WWOX: variants seen among roughly 807,000 people sequenced by gnomAD.
The protein encoded by WWOX is WW domain containing oxidoreductase, also known as WW domain-containing oxidoreductase.
Under a neutral mutation model 46.2 loss-of-function variants are expected in WWOX, and 69 were observed. The observed-to-expected ratio is 1.49, with a 90% CI of 1.23 to 1.82. The LOEUF is 1.82. Ranked by LOEUF, WWOX falls within the 40% of genes most tolerant of loss-of-function variation. The pLI is 0.00. For synonymous variants in WWOX, 359 were observed against 202.6 expected, an observed-to-expected ratio of 1.77 and a Z score of -6.56; for missense variants, 919 against 542.6, an observed-to-expected ratio of 1.69 and a Z score of -6.89.
intron 5 of WWOX, among the ~76,000 whole-genome samples, chr16:78,251,453 C>T (rs772486302): frequency 6.6e-6 from 1 of 152,172 alleles, no homozygotes; most frequent in Non-Finnish European, 1.5e-5. Flanking sequence ...ACAGCATTGC[C>T]TGTTTCACTC....
chr16:79,164,490 G>A (rs1201223331), intron 8 of WWOX, among the ~76,000 whole-genome samples: 1 of 144,424 alleles, frequency 6.9e-6, no homozygotes, highest in Non-Finnish European at 1.5e-5. Context: ...GCAGGGATGG[G>A]GGGATGGGGG....
chr16:79,212,289 G>GCTTA lies in WWOX; in HGVS notation c.*494_*497dup. 9 of 1,075,426 alleles carry GCTTA rather than the reference G, an allele frequency of 8.4e-6. No individual in the cohort carries two copies. Among genetic ancestry groups the GCTTA allele is most frequent in the Non-Finnish European group, 1.2e-5 (9 of 775,396 alleles). The allele number at this position is 1,075,426 out of a possible 1,614,324, so 66.6% of individuals were successfully genotyped here. On this transcript the variant is annotated 3_prime_UTR_variant, in exon 9 of 9. Transcript: ENST00000566780. ...ATTCATCCTGACCAAGACTGAGCCA[G>GCTTA]CTTAGCAACTGCTGGGGAGACAAAT...
chr16:79,058,137 A>C (rs1401858601), intron 8 of WWOX, among the ~76,000 whole-genome samples: 1 of 148,454 alleles, frequency 6.7e-6, no homozygotes, highest in Admixed American at 6.6e-5. Context: ...AACAAAAAAA[A>C]AAAACTCCTT....
At chr16:79,126,767 C>T (rs1177966263) in intron 8 of WWOX, among the ~76,000 whole-genome samples, 1 of 152,110 alleles carries the variant, frequency 6.6e-6, no homozygotes, top group Admixed American at 6.6e-5. Flanking sequence ...GAAATTTAGA[C>T]TCCAGCCTAC....
chr16:78,607,907 G>C (rs574018987), intron 8 of WWOX, among the ~76,000 whole-genome samples: 1 of 152,224 alleles, frequency 6.6e-6, no homozygotes, highest in African/African-American at 2.4e-5. Context: ...ACACATGTTT[G>C]AGACCTGTAA....
chr16:78,713,477 C>A (rs1310754019), intron 8 of WWOX, among the ~76,000 whole-genome samples: 1 of 151,886 alleles, frequency 6.6e-6, no homozygotes, highest in Admixed American at 6.6e-5. Flanking sequence ...ATTCACAGTA[C>A]CTCATAATGT....
intron 8 of WWOX, among the ~76,000 whole-genome samples, chr16:78,659,524 A>T (rs1485561816): frequency 6.6e-6 from 1 of 152,088 alleles, no homozygotes; most frequent in African/African-American, 2.4e-5. Context: ...AGAACTTCTG[A>T]TCAAAAATGC....
intron 8 of WWOX, among the ~76,000 whole-genome samples, chr16:78,751,647 A>G (rs986288543): frequency 1.3e-5 from 2 of 151,848 alleles, no homozygotes; most frequent in South Asian, 2.1e-4. Flanking sequence ...AGAGTTTGAT[A>G]TTAAACAATA....
At chr16:78,127,516 G>GTTAA (rs2033411288) in intron 4 of WWOX, among the ~76,000 whole-genome samples, 1 of 122,368 alleles carries the variant, frequency 8.2e-6, no homozygotes, top group Admixed American at 8.2e-5. Context: ...ATAATCAACG[G>GTTAA]AAAAAAAAAA....
rs116278246 is a variant in WWOX at position 78,730,035 on chromosome 16, G to A, written c.1056+297283G>A. Among the ~76,000 whole-genome samples, 765 of 152,290 alleles carry A rather than the reference G, an allele frequency of 5.0e-3. 8 individuals are homozygous for A. The highest frequency in any genetic ancestry group is 0.017 in the African/African-American group (715 of 41,566). On this transcript the variant is annotated intron_variant, in intron 8 of 8. Transcript: ENST00000566780. The stretch of plus-strand genomic sequence containing the variant: ...TACTTCCAGTTGTTTCTTATGATAA[G>A]TAACAGTGACTTTGATATATCCATT...
intron 8 of WWOX, among the ~76,000 whole-genome samples, chr16:79,089,285 A>G (rs1421635937): frequency 5.9e-5 from 9 of 152,088 alleles, no homozygotes; most frequent in South Asian, 2.1e-4. Flanking sequence ...GTTCCTGGCA[A>G]AGGTTTGATT....
intron 8 of WWOX, among the ~76,000 whole-genome samples, chr16:78,433,940 C>G (rs1388298760): frequency 6.6e-6 from 1 of 151,790 alleles, no homozygotes; most frequent in East Asian, 1.9e-4. Flanking sequence ...CAGGCGCCCA[C>G]CACTATGCCC....
intron 8 of WWOX, among the ~76,000 whole-genome samples, chr16:78,498,865 C>G (rs551917980): frequency 1.0e-3 from 89 of 85,360 alleles, no homozygotes; most frequent in African/African-American, 2.2e-3. Flanking sequence ...TGTTACTGGT[C>G]TGTTTTTTTT....
intron 8 of WWOX, among the ~76,000 whole-genome samples, chr16:78,916,480 C>T (rs944419872): frequency 6.6e-6 from 1 of 152,118 alleles, no homozygotes; most frequent in African/African-American, 2.4e-5. Context: ...AGATTCTGCT[C>T]TAAAGGGAAA....
intron 5 of WWOX, among the ~76,000 whole-genome samples, chr16:78,252,076 C>T (rs1033707113): frequency 2.0e-5 from 3 of 152,114 alleles, no homozygotes; most frequent in Non-Finnish European, 2.9e-5. Flanking sequence ...GAGCAAGCAC[C>T]GTTTCATTGA....
rs533986811 is a variant in WWOX at position 79,171,531 on chromosome 16, T to A, written c.1057-40077T>A. Reference sequence around the variant, plus strand: ...TTCCTTTTTTGCTGCTGTTTTAATTTGAAATAAGAATGGTAGCCCCCAGGT... The same window carrying A: ...TTCCTTTTTTGCTGCTGTTTTAATTAGAAATAAGAATGGTAGCCCCCAGGT... On this transcript the variant is annotated intron_variant, in intron 8 of 8. Transcript: ENST00000566780. Among the ~76,000 whole-genome samples, 3 of 152,312 alleles carry A rather than the reference T, an allele frequency of 2.0e-5. No individual in the cohort carries two copies. The East Asian group carries it at 5.8e-4, about 29-fold the overall frequency.
chr16:79,181,052 C>T (rs183313823), intron 8 of WWOX, among the ~76,000 whole-genome samples: 2 of 152,194 alleles, frequency 1.3e-5, no homozygotes, highest in South Asian at 2.1e-4. Flanking sequence ...ATAAGTCAAA[C>T]AATATGAATA....
At chr16:79,043,622 C>A (rs1342282393) in intron 8 of WWOX, among the ~76,000 whole-genome samples, 1 of 152,056 alleles carries the variant, frequency 6.6e-6, no homozygotes, top group Non-Finnish European at 1.5e-5. Flanking sequence ...ACACACAAAC[C>A]CACATTTTAT....
chr16:79,032,473 C>T (rs1298558841), intron 8 of WWOX, among the ~76,000 whole-genome samples: 5 of 146,118 alleles, frequency 3.4e-5, no homozygotes, highest in African/African-American at 1.2e-4. Context: ...ATAATAAACC[C>T]ATATATAATA....
Sources: gnomAD v4.1 joint callset for allele counts (sites outside exome capture counted in the v4.1 genomes callset) on GRCh38, gnomAD v4.1.1 for gene constraint, MANE v1.5 for transcripts, NCBI Gene and HGNC (gene_info 2026-07-23, HGNC 2026-07-21) for gene names.